Variants in PTPRT observed in about 807,000 individuals in gnomAD.
PTPRT encodes receptor-type tyrosine-protein phosphatase T.
A neutral mutation model predicts 176.8 loss-of-function variants in PTPRT; 56 were observed. That is an observed-to-expected ratio of 0.32 (90% CI 0.26 to 0.40). PTPRT has a LOEUF of 0.40. Ranked by LOEUF, PTPRT falls within the 10% of genes least tolerant of loss-of-function variation. The pLI is 1.00. For synonymous variants in PTPRT, 783 were observed against 739.0 expected, an observed-to-expected ratio of 1.06 and a Z score of -0.96; for missense variants, 1,540 against 1,908.2, an observed-to-expected ratio of 0.81 and a Z score of 3.60.
At chr20:42,629,623 G>T (rs1600501843) in intron 7 of PTPRT, among the ~76,000 whole-genome samples, 1 of 152,130 alleles carries the variant, frequency 6.6e-6, no homozygotes, top group South Asian at 2.1e-4. Flanking sequence ...AATTTTTCTG[G>T]GGGAGAGGGT....
chr20:43,139,177 G>T (rs1600741028), intron 1 of PTPRT, among the ~76,000 whole-genome samples: 2 of 152,324 alleles, frequency 1.3e-5, no homozygotes, highest in East Asian at 3.9e-4. Context: ...GCCTCAGCTG[G>T]AGACTGTGAC....
the PTPRT span, among the ~76,000 whole-genome samples, chr20:42,059,798 G>A: frequency 6.6e-6 from 1 of 152,096 alleles, no homozygotes; most frequent in Non-Finnish European, 1.5e-5. Context: ...CGAGAAGCTC[G>A]AGGCTGGGGT....
intron 16 of PTPRT, among the ~76,000 whole-genome samples, chr20:42,179,092 T>A (rs539504131): frequency 6.6e-6 from 1 of 152,314 alleles, no homozygotes; most frequent in South Asian, 2.1e-4. Context: ...ATTGGGGCCA[T>A]CTTAAAGTTT....
chr20:42,566,490 C>A (rs2073041997), intron 7 of PTPRT, among the ~76,000 whole-genome samples: 1 of 152,164 alleles, frequency 6.6e-6, no homozygotes, highest in Admixed American at 6.5e-5. Context: ...AGATTCAGAA[C>A]CTCAAGACTA....
At chr20:42,462,392 C>T (rs1303350227) in intron 8 of PTPRT, among the ~76,000 whole-genome samples, 1 of 152,032 alleles carries the variant, frequency 6.6e-6, no homozygotes, top group Non-Finnish European at 1.5e-5. Context: ...GAAGGAAAGA[C>T]CTAGCACAGG....
At chr20:42,513,880 A>G (rs987926094) in intron 7 of PTPRT, among the ~76,000 whole-genome samples, 4 of 152,218 alleles carry the variant, frequency 2.6e-5, no homozygotes, top group Admixed American at 6.5e-5. Flanking sequence ...CAATGGAATC[A>G]TAGTGAATGC....
intron 7 of PTPRT, among the ~76,000 whole-genome samples, chr20:42,529,167 G>T (rs1160730219): frequency 6.6e-6 from 1 of 152,154 alleles, no homozygotes; most frequent in East Asian, 1.9e-4. Flanking sequence ...AAGATGTCAC[G>T]CATGGTGCAT....
chr20:43,081,441 C>A (rs945128971), intron 1 of PTPRT, among the ~76,000 whole-genome samples: 1 of 152,124 alleles, frequency 6.6e-6, no homozygotes, highest in African/African-American at 2.4e-5. Flanking sequence ...GTTGCTGAAC[C>A]AAATCTCTTA....
At chr20:42,925,044 C>G (rs1048733000) in intron 1 of PTPRT, among the ~76,000 whole-genome samples, 1 of 152,152 alleles carries the variant, frequency 6.6e-6, no homozygotes, top group Non-Finnish European at 1.5e-5. Flanking sequence ...GAAGCGCCAT[C>G]CTAAATGAAA....
intron 23 of PTPRT, among the ~76,000 whole-genome samples, chr20:42,107,722 C>T (rs188886466): frequency 2.6e-4 from 39 of 152,324 alleles, no homozygotes; most frequent in Admixed American, 2.4e-3. Context: ...CCTTCCGCTG[C>T]GTTTTCACAT....
intron 22 of PTPRT, among the ~76,000 whole-genome samples, chr20:42,112,947 C>A (rs1009961167): frequency 3.3e-5 from 5 of 152,218 alleles, no homozygotes; most frequent in African/African-American, 7.2e-5. Context: ...TCCCAAGAAG[C>A]CTTCCTTCGA....
intron 9 of PTPRT, among the ~76,000 whole-genome samples, chr20:42,390,873 T>C (rs368427808): frequency 4.9e-4 from 75 of 152,236 alleles, no homozygotes; most frequent in African/African-American, 1.7e-3. Flanking sequence ...CTTTCTTGAG[T>C]ACCGACCGAG....
intron 17 of PTPRT, 67 bp from the exon 18 acceptor site, chr20:42,142,069 C>A: frequency 2.2e-6 from 3 of 1,374,598 alleles, no homozygotes; most frequent in Non-Finnish European, 3.1e-6. Context: ...GGAGATGAAC[C>A]AACAGGGCAA....
chr20:42,756,586 G>A lies in PTPRT; in HGVS notation c.735C>T (p.His245=). The change falls in exon 6 of 31, where the codon CAC becomes CAT. Residue 245 remains histidine, a synonymous_variant. Coordinates refer to ENST00000373187, the MANE Select transcript of PTPRT (RefSeq NM_007050.6). ...TALMVTRVVN[H]RRFSATVSVA... ...CACTGACTGTGGCTGAGAAGCGCCT[G>A]TGGTTGACCACACGGGTGACCATCA... is the stretch of plus-strand genomic sequence containing the variant. 1 of 1,611,756 alleles carries A rather than the reference G, an allele frequency of 6.2e-7. No individual in the cohort carries two copies. Among genetic ancestry groups the A allele is most frequent in the Non-Finnish European group, 8.5e-7 (1 of 1,178,424 alleles).
intron 6 of PTPRT, among the ~76,000 whole-genome samples, chr20:42,723,435 G>C (rs1310388136): frequency 6.6e-6 from 1 of 152,142 alleles, no homozygotes; most frequent in Admixed American, 6.5e-5. Flanking sequence ...TGGGCTGTGG[G>C]GCAGCTCCCA....
At chr20:42,350,796 T>G in intron 10 of PTPRT, 66 bp from the exon 11 acceptor site, 1 of 1,170,980 alleles carries the variant, frequency 8.5e-7, no homozygotes, top group Non-Finnish European at 1.3e-6. Context: ...CCACCGCCCC[T>G]TGCTGCCATC....
intron 13 of PTPRT, among the ~76,000 whole-genome samples, chr20:42,256,137 G>A (rs1372956591): frequency 6.6e-6 from 1 of 152,150 alleles, no homozygotes; most frequent in African/African-American, 2.4e-5. Context: ...TCTGATTATG[G>A]GGGTTTTGCC....
intron 7 of PTPRT, among the ~76,000 whole-genome samples, chr20:42,594,118 C>T (rs185800369): frequency 1.7e-4 from 26 of 152,170 alleles, no homozygotes; most frequent in Middle Eastern, 6.8e-3. Context: ...CAGGAGTATC[C>T]GGAGACCAAC....
intron 6 of PTPRT, among the ~76,000 whole-genome samples, chr20:42,751,598 C>T (rs926556404): frequency 6.6e-6 from 1 of 152,136 alleles, no homozygotes; most frequent in Non-Finnish European, 1.5e-5. Flanking sequence ...TGGGTGGACA[C>T]CATCCCATCA....
Sources: gnomAD v4.1 joint callset for allele counts (sites outside exome capture counted in the v4.1 genomes callset) on GRCh38, gnomAD v4.1.1 for gene constraint, MANE v1.5 for transcripts, NCBI Gene and HGNC (gene_info 2026-07-23, HGNC 2026-07-21) for gene names.